Variants in SYCP2 observed in about 807,000 individuals in gnomAD.
The protein encoded by SYCP2 is synaptonemal complex lateral element protein.
SYCP2 carries 55 observed loss-of-function variants against 211.3 expected under a neutral mutation model. The observed-to-expected ratio is 0.26, with a 90% confidence interval of 0.21 to 0.33. The LOEUF is 0.33. Ranked by LOEUF, SYCP2 falls within the 10% of genes least tolerant of loss-of-function variation. The pLI is 1.00. For missense variants in SYCP2, 1,731 were observed against 1,752.0 expected, an observed-to-expected ratio of 0.99 and a Z score of 0.21; for synonymous variants, 570 against 555.2, an observed-to-expected ratio of 1.03 and a Z score of -0.37.
chr20:59,870,562 GGA>G (rs1395262252), intron 35 of SYCP2, among the ~76,000 whole-genome samples: 3 of 151,700 alleles, frequency 2.0e-5, no homozygotes, highest in Non-Finnish European at 4.4e-5. Flanking sequence ...ACAAAAAAGT[GGA>G]GAGAGAAATC....
intron 26 of SYCP2, among the ~76,000 whole-genome samples, chr20:59,885,515 A>G (rs1432820589): frequency 6.6e-6 from 1 of 152,154 alleles, no homozygotes; most frequent in Non-Finnish European, 1.5e-5. Flanking sequence ...AGCAACTGTG[A>G]GGAATTAGAA....
intron 32 of SYCP2, 106 bp from the exon 33 acceptor site, chr20:59,877,661 G>GT (rs1273969550): frequency 1.1e-5 from 10 of 896,412 alleles, no homozygotes; most frequent in Non-Finnish European, 1.7e-5. Context: ...TAAAATATTT[G>GT]TAAGAATGAT....
chr20:59,886,877 C>A, intron 24 of SYCP2, 43 bp from the exon 25 acceptor site: 1 of 1,468,866 alleles, frequency 6.8e-7, no homozygotes, highest in Non-Finnish European at 9.1e-7. Flanking sequence ...ACCAGTTAAT[C>A]TTTAAAGGAA....
chr20:59,867,119 G>GGGGGGGGGGGGA (rs71183187), intron 39 of SYCP2, among the ~76,000 whole-genome samples: 1 of 45,666 alleles, frequency 2.2e-5, no homozygotes, highest in Non-Finnish European at 4.4e-5. Context: ...GGGGGGGGGG[G>GGGGGGGGGGGGA]AGGGTGTTGA....
At chr20:59,921,225 A>T (rs2060536103) in intron 4 of SYCP2, 85 bp downstream of exon 4, 3 of 1,209,892 alleles carry the variant, frequency 2.5e-6, no homozygotes, top group Non-Finnish European at 3.4e-6. Flanking sequence ...AAGCCTATTC[A>T]TTTTTTTCTA....
At chr20:59,881,896 G>A (rs6070994) in intron 28 of SYCP2, 49 bp downstream of exon 28, 37,664 of 1,437,278 alleles carry the variant, frequency 0.026, 565 homozygotes, top group Middle Eastern at 0.041. Context: ...CATGGTAAAT[G>A]CAATGTAACT....
At chr20:59,871,683 A>G (rs1400489477) in intron 35 of SYCP2, among the ~76,000 whole-genome samples, 6 of 151,992 alleles carry the variant, frequency 3.9e-5, no homozygotes, top group African/African-American at 1.4e-4. Flanking sequence ...AATCTGTGAT[A>G]TAAAATGGTT....
chr20:59,901,719 G>A lies in SYCP2; in HGVS notation c.1125C>T (p.Asp375=), dbSNP rs6027186. The A allele has an allele frequency of 0.044, 70,373 of 1,603,822 alleles. 3,223 individuals are homozygous for A. The highest frequency in any genetic ancestry group is 0.24 in the African/African-American group (18,010 of 74,154). Residue 375 remains aspartate, a synonymous_variant, in exon 16 of 45, where the codon GAC becomes GAT. Coordinates refer to ENST00000357552, the MANE Select transcript of SYCP2 (RefSeq NM_014258.4). ...REGKELLLYF[D]ASLEITNVTQ... The stretch of plus-strand genomic sequence containing the variant: ...TTACATTAGTGATTTCTAGTGATGC[G>A]TCAAAATACAAAAGCAATTCTTTCC...
chr20:59,900,239 C>G lies in SYCP2; in HGVS notation c.1303G>C (p.Val435Leu), dbSNP rs769285613. 4 of 1,612,302 alleles carry G rather than the reference C, an allele frequency of 2.5e-6. No individual in the cohort carries two copies. The highest frequency in any genetic ancestry group is 3.4e-6 in the Non-Finnish European group (4 of 1,179,528). ...SQISPVGEEL[V>L]SLKEKSKSPK... is the part of the protein sequence containing the mutation. ...GACTTTGATTTTTCCTTTAAACTAACGAGCTCTTCTCCGACTGGTGAGATT... is the reference window on the plus strand; with the variant it reads ...GACTTTGATTTTTCCTTTAAACTAAGGAGCTCTTCTCCGACTGGTGAGATT... The change falls in exon 18 of 45, where the codon GTT (valine) becomes CTT (leucine). Residue 435 changes from valine to leucine, a missense_variant. Physicochemically the swap from Val to Leu is conservative, Grantham distance 32. Transcript: ENST00000357552.
At chr20:59,928,748 G>A (rs1461011572) in intron 2 of SYCP2, among the ~76,000 whole-genome samples, 1 of 152,136 alleles carries the variant, frequency 6.6e-6, no homozygotes, top group Admixed American at 6.5e-5. Context: ...TCTGGGAAAA[G>A]TGACTTGGCA....
At chr20:59,904,652 G>A (rs1187353643) in intron 15 of SYCP2, among the ~76,000 whole-genome samples, 3 of 152,166 alleles carry the variant, frequency 2.0e-5, no homozygotes, top group Non-Finnish European at 4.4e-5. Flanking sequence ...GACTGATCGA[G>A]AGAGGAAACA....
intron 24 of SYCP2, among the ~76,000 whole-genome samples, chr20:59,890,466 G>A (rs1052320304): frequency 6.6e-6 from 1 of 152,062 alleles, no homozygotes; most frequent in African/African-American, 2.4e-5. Flanking sequence ...GTTGATGGGT[G>A]CTGCAAACCA....
chr20:59,913,492 T>C (rs891752233), intron 12 of SYCP2, among the ~76,000 whole-genome samples: 2 of 152,194 alleles, frequency 1.3e-5, no homozygotes, highest in Non-Finnish European at 2.9e-5. Flanking sequence ...AAAATTTATA[T>C]TACACATCCT....
intron 2 of SYCP2, among the ~76,000 whole-genome samples, chr20:59,930,112 C>A (rs979668860): frequency 1.3e-5 from 2 of 152,130 alleles, no homozygotes; most frequent in African/African-American, 4.8e-5. Flanking sequence ...AGCCCTACCC[C>A]CAGAAAGTCT....
intron 22 of SYCP2, 49 bp from the exon 23 acceptor site, chr20:59,892,750 C>G: frequency 2.6e-6 from 4 of 1,529,696 alleles, no homozygotes; most frequent in Non-Finnish European, 3.5e-6. Flanking sequence ...TAGCCTGTGA[C>G]TTTAAGACCT....
At position 59,891,861 on chromosome 20, in the gene SYCP2, C is replaced by G. The variant is rs141180038; in HGVS notation, c.2364+129G>C. 262 of 767,320 alleles carry G rather than the reference C, an allele frequency of 3.4e-4. No homozygotes were observed. In the African/African-American group the frequency reaches 4.1e-3, roughly 12 times the overall value. 47.5% of individuals were successfully genotyped at this position (767,320 alleles called of 1,614,324 possible). On this transcript the variant is annotated intron_variant, in intron 24 of 44. Coordinates refer to ENST00000357552, the MANE Select transcript of SYCP2 (RefSeq NM_014258.4). ...GAGGTGAGTGAGGAATTCTGAGAGT[C>G]TGGGCACTGAATTAAACAAGGTATT...
rs756989243 is a variant in SYCP2 at position 59,900,201 on chromosome 20, A to G, written c.1341T>C (p.Phe447=). The G allele has an allele frequency of 6.2e-7, 1 of 1,613,344 alleles. No individual in the cohort carries two copies. The highest frequency in any genetic ancestry group is 8.5e-7 in the Non-Finnish European group (1 of 1,179,632). Residue 447 remains phenylalanine (F), a synonymous_variant, in exon 18 of 45, where the codon TTT becomes TTC. Transcript: ENST00000357552. The part of the protein sequence containing the change: ...LKEKSKSPKE[F]AKPSKYIKNS... Reference sequence around the variant, plus strand: ...TTTTGATATATTTTGAAGGTTTAGCAAATTCCTTTGGGGACTTTGATTTTT... The same window carrying G: ...TTTTGATATATTTTGAAGGTTTAGCGAATTCCTTTGGGGACTTTGATTTTT...
chr20:59,893,503 A>C, intron 21 of SYCP2, 21 bp downstream of exon 21: 3 of 1,537,824 alleles, frequency 2.0e-6, no homozygotes, highest in Non-Finnish European at 2.7e-6. Flanking sequence ...AAATGACTAA[A>C]TTAAACCACA....
chr20:59,930,848 CTATTT>C (rs537756968), intron 2 of SYCP2, among the ~76,000 whole-genome samples: 82 of 151,612 alleles, frequency 5.4e-4, no homozygotes, highest in Non-Finnish European at 7.4e-4. Flanking sequence ...CTTTTTACAC[CTATTT>C]TATGTTTGTG....
Sources: allele counts gnomAD v4.1 joint callset (sites outside exome capture counted in the v4.1 genomes callset), GRCh38; gene constraint gnomAD v4.1.1; transcripts MANE v1.5; gene names NCBI Gene and HGNC (gene_info 2026-07-23, HGNC 2026-07-21).